Variants in ECT2L observed in about 807,000 individuals in gnomAD.
ECT2L encodes epithelial cell transforming 2 like.
ECT2L carries 126 observed loss-of-function variants against 122.8 expected under a neutral mutation model. That is an observed-to-expected ratio of 1.03 (90% CI 0.89 to 1.19). The LOEUF is 1.19. Among genes scored for constraint, ECT2L ranks in the 50% most tolerant of loss-of-function variants. ECT2L has a pLI of 0.00. For synonymous variants in ECT2L, 385 were observed against 381.8 expected (o/e 1.01, Z -0.10); for missense variants, 1,012 against 1,064.1 (o/e 0.95, Z 0.68).
Position 138,903,773 on chromosome 6 carries a change from T to A in ECT2L, c.*1146T>A, listed in dbSNP as rs1279487221. On this transcript the variant is annotated 3_prime_UTR_variant, in exon 22 of 22. Coordinates refer to ENST00000541398, the MANE Select transcript of ECT2L (RefSeq NM_001077706.3). Reference sequence around the variant, plus strand: ...AACTAAAGCCATACTGAAAGCCACTTGGAAACTTCAGCTGATGTATATTTT... The same window carrying A: ...AACTAAAGCCATACTGAAAGCCACTAGGAAACTTCAGCTGATGTATATTTT... 1 of 152,190 alleles carries A rather than the reference T, an allele frequency of 6.6e-6. No individual in the cohort carries two copies. The highest frequency in any genetic ancestry group is 2.4e-5 in the African/African-American group (1 of 41,454). 9.4% of individuals were successfully genotyped at this position (152,190 alleles called of 1,614,324 possible).
At chr6:138,830,236 G>T (rs1458312144) in intron 4 of ECT2L, among the ~76,000 whole-genome samples, 1 of 152,186 alleles carries the variant, frequency 6.6e-6, no homozygotes, top group Non-Finnish European at 1.5e-5. Context: ...CTACCACTGT[G>T]TTCTGTGCTC....
chr6:138,842,597 T>C (rs200312714), intron 5 of ECT2L, among the ~76,000 whole-genome samples: 80 of 152,060 alleles, frequency 5.3e-4, no homozygotes, highest in East Asian at 3.9e-3. Flanking sequence ...CGGTGAAACC[T>C]CGTCTCTACT....
chr6:138,824,758 G>A (rs567871571), intron 4 of ECT2L, among the ~76,000 whole-genome samples: 2 of 152,022 alleles, frequency 1.3e-5, no homozygotes, highest in African/African-American at 2.4e-5. Context: ...GGAGATTCTC[G>A]CCGTACCCCA....
At chr6:138,799,378 G>T (rs9495257) in intron 1 of ECT2L, among the ~76,000 whole-genome samples, 2,450 of 151,058 alleles carry the variant, frequency 0.016, 72 homozygotes, top group African/African-American at 0.056. Flanking sequence ...CTCAGCCTCC[G>T]GAGTAGCTGG....
chr6:138,867,081 A>C (rs1778067576), intron 12 of ECT2L, among the ~76,000 whole-genome samples: 1 of 138,050 alleles, frequency 7.2e-6, no homozygotes, highest in African/African-American at 3.5e-5. Context: ...CTCAAAAAAA[A>C]CAAAAAAACA....
chr6:138,846,452 C>G (rs946579751), intron 7 of ECT2L, 87 bp from the exon 8 acceptor site: 1 of 1,323,852 alleles, frequency 7.6e-7, no homozygotes, highest in Non-Finnish European at 1.0e-6. Context: ...TAGAGTAGAG[C>G]TGATGCCCAG....
At chr6:138,860,516 CAGTA>C (rs34565530) in intron 10 of ECT2L, among the ~76,000 whole-genome samples, 39,874 of 151,770 alleles carry the variant, frequency 0.26, 6,434 homozygotes, top group Admixed American at 0.37. Context: ...CTATAGACAT[CAGTA>C]AGTGAGAGAC....
At chr6:138,827,853 C>G (rs1776506221) in intron 4 of ECT2L, among the ~76,000 whole-genome samples, 1 of 152,186 alleles carries the variant, frequency 6.6e-6, no homozygotes, top group South Asian at 2.1e-4. Context: ...ACACCACGCC[C>G]AGCCCCCTGG....
At position 138,886,854 on chromosome 6, in the gene ECT2L, T is replaced by A. The variant is rs780737035; in HGVS notation, c.2260-3T>A. On this transcript the variant is annotated splice_polypyrimidine_tract_variant and splice_region_variant and intron_variant, in intron 18 of 21. Transcript: ENST00000541398. Reference sequence around the variant, plus strand: ...TTGCCTAAAAGTACTTTTTTTCCCCTAGATGAAGCAAAACATCACTATGAA... The same window carrying A: ...TTGCCTAAAAGTACTTTTTTTCCCCAAGATGAAGCAAAACATCACTATGAA... 6.2e-7 allele frequency: 1 copy of A among 1,612,586 alleles called. No homozygotes were observed. The highest frequency in any genetic ancestry group is 8.5e-7 in the Non-Finnish European group (1 of 1,179,128).
chr6:138,814,662 G>C, intron 4 of ECT2L, 59 bp downstream of exon 4: 1 of 1,033,470 alleles, frequency 9.7e-7, no homozygotes, highest in Admixed American at 2.1e-5. Flanking sequence ...GTATATAAAT[G>C]TTTATATAAC....
At chr6:138,874,594 G>C (rs1778375275) in intron 13 of ECT2L, among the ~76,000 whole-genome samples, 1 of 152,068 alleles carries the variant, frequency 6.6e-6, no homozygotes, top group Non-Finnish European at 1.5e-5. Context: ...AGGTGGTCTG[G>C]GGGGGTCCAT....
At position 138,890,352 on chromosome 6, in the gene ECT2L, T is replaced by C. The variant is rs1358761720; in HGVS notation, c.2414+1321T>C. On this transcript the variant is annotated intron_variant, in intron 20 of 21. Transcript: ENST00000541398. ...CAATGAATATTTCAACAAATGTTCC[T>C]CAAAGGCACAGGGTAGCAGGGTAGG... Among the ~76,000 whole-genome samples, 3 of 152,134 alleles carry C rather than the reference T, an allele frequency of 2.0e-5. No individual in the cohort carries two copies. In the East Asian group the frequency reaches 5.8e-4, roughly 29 times the overall value.
intron 8 of ECT2L, among the ~76,000 whole-genome samples, chr6:138,846,891 G>C (rs1167269892): frequency 2.0e-5 from 3 of 146,522 alleles, no homozygotes; most frequent in Non-Finnish European, 4.5e-5. Context: ...GAGCCCAGGA[G>C]ATGGAGGCTG....
chr6:138,900,914 G>C (rs545773279), intron 20 of ECT2L, 34 bp from the exon 21 acceptor site: 2 of 1,601,650 alleles, frequency 1.2e-6, no homozygotes, highest in African/African-American at 2.7e-5. Flanking sequence ...TGTATGTTAT[G>C]TATTAAAACT....
intron 6 of ECT2L, among the ~76,000 whole-genome samples, chr6:138,843,565 G>A (rs1463590904): frequency 2.0e-5 from 3 of 152,204 alleles, no homozygotes; most frequent in East Asian, 1.9e-4. Flanking sequence ...GGAATTGGGA[G>A]TGATGAAAAG....
intron 8 of ECT2L, among the ~76,000 whole-genome samples, chr6:138,848,483 A>T (rs936829436): frequency 2.6e-5 from 4 of 152,224 alleles, no homozygotes; most frequent in Non-Finnish European, 5.9e-5. Flanking sequence ...GTGTATATGT[A>T]TGTATATATG....
chr6:138,875,724 T>C (rs6937315), intron 13 of ECT2L, among the ~76,000 whole-genome samples: 60,556 of 152,090 alleles, frequency 0.4, 12,662 homozygotes, highest in African/African-American at 0.53. Context: ...CACTTGGTGG[T>C]GAAAAAAGGA....
chr6:138,833,023 C>A (rs905056916), intron 4 of ECT2L, among the ~76,000 whole-genome samples: 1 of 150,432 alleles, frequency 6.6e-6, no homozygotes, highest in South Asian at 2.1e-4. Context: ...TGGCGGCAGG[C>A]GAGAGAGAGA....
rs1777878042 is a variant in ECT2L at position 138,862,684 on chromosome 6, C to A, written c.1256C>A (p.Ala419Asp). The change falls in exon 11 of 22, where the codon GCC becomes GAC. Residue 419 changes from alanine to aspartate, a missense_variant. Ala to Asp is a moderately radical substitution (Grantham distance 126). Coordinates refer to ENST00000541398, the MANE Select transcript of ECT2L (RefSeq NM_001077706.3). ...CAACTAACTGGCACGTTCTTTACGG[C>A]CCCCACTGGGATTGCAACTGGCTCT... ...LSQLTGTFFT[A>D]PTGIATGSYQ... 6.2e-7 allele frequency: 1 copy of A among 1,614,048 alleles called. No individual in the cohort carries two copies. The highest frequency in any genetic ancestry group is 8.5e-7 in the Non-Finnish European group (1 of 1,180,004).
Sources: gnomAD v4.1 joint callset for allele counts (sites outside exome capture counted in the v4.1 genomes callset) on GRCh38, gnomAD v4.1.1 for gene constraint, MANE v1.5 for transcripts, NCBI Gene and HGNC (gene_info 2026-07-23, HGNC 2026-07-21) for gene names.